Variants in TLCD1 observed in about 807,000 individuals in gnomAD.
TLCD1 encodes TLC domain-containing protein 1.
Under a neutral mutation model 21.2 loss-of-function variants are expected in TLCD1, and 21 were observed. The ratio of observed to expected loss-of-function variants is 0.99; its 90% CI spans 0.70 to 1.42. The LOEUF (loss-of-function observed/expected upper bound fraction) is 1.42. Among genes scored for constraint, TLCD1 ranks in the 40% most tolerant of loss-of-function variants. TLCD1 has a pLI of 0.00. For synonymous variants in TLCD1, 168 were observed against 134.8 expected (o/e 1.25, Z -1.71); for missense variants, 344 against 330.3 (o/e 1.04, Z -0.32).
At chr17:28,725,675 G>A (rs1355552525) in intron 1 of TLCD1, 112 bp from the exon 2 acceptor site, 2 of 1,283,722 alleles carry the variant, frequency 1.6e-6, no homozygotes, top group African/African-American at 1.5e-5. Context: ...GTGGCTGACT[G>A]GGAAGCTAAG....
chr17:28,725,005 G>T, intron 3 of TLCD1, 112 bp from the exon 4 acceptor site: 1 of 1,221,076 alleles, frequency 8.2e-7, no homozygotes, highest in South Asian at 1.5e-5. Context: ...TTTCCCCCTG[G>T]AATAATAGTT....
Position 28,726,094 on chromosome 17 carries a change from G to A in TLCD1, c.4C>T (p.Pro2Ser). 1 of 1,451,202 alleles carries A rather than the reference G, an allele frequency of 6.9e-7. No individual in the cohort carries two copies. The highest frequency in any genetic ancestry group is 9.0e-7 in the Non-Finnish European group (1 of 1,112,368). The allele number at this position is 1,451,202 out of a possible 1,614,324, so 89.9% of individuals were successfully genotyped here. A position where few individuals can be genotyped will look rare whatever the true frequency, so the allele number is the denominator to read the frequency against. ...GGCAGGGCGGGGTGCAGCAGTCGGG[G>A]CATGCTGGCCCTCCCTGCCGTCCGC... MPRLLHPALPLL... is the reference protein window; with the variant it reads MSRLLHPALPLL... Residue 2 changes from proline (P) to serine (S), a missense_variant, in exon 1 of 4, where the codon CCC becomes TCC. Physicochemically the swap from Pro to Ser is moderately conservative, Grantham distance 74. Transcript: ENST00000292090.
intron 1 of TLCD1, 25 bp from the exon 2 acceptor site, chr17:28,725,588 C>T (rs777533257): frequency 1.9e-5 from 30 of 1,611,722 alleles, no homozygotes; most frequent in Non-Finnish European, 2.5e-5. Context: ...AGAGGAGGCT[C>T]TGCATTTCGG....
chr17:28,725,886 C>T lies in TLCD1; in HGVS notation c.194+18G>A, dbSNP rs1239952844. On this transcript the variant is annotated intron_variant, in intron 1 of 3. Transcript: ENST00000292090. ...TCAGGATCCCCTGGCCACCTCATTT[C>T]CACAGTCGCTCACTCACCACAGCAG... The T allele has an allele frequency of 3.1e-6, 5 of 1,609,660 alleles. No homozygotes were observed. The highest frequency in any genetic ancestry group is 4.2e-6 in the Non-Finnish European group (5 of 1,178,566).
rs371038188 is a variant in TLCD1, at chr17:28,725,467, T to C, written c.277+14A>G. The C allele has an allele frequency of 1.2e-6, 2 of 1,614,174 alleles. No individual in the cohort carries two copies. The highest frequency in any genetic ancestry group is 1.3e-5 in the African/African-American group (1 of 75,026). On this transcript the variant is annotated intron_variant, in intron 2 of 3. Transcript: ENST00000292090. ...TGTCCCCAATTTGCCTCCCGCTTCC[T>C]GGGCAAGACCTACCCGCAGAGAAGC...
At chr17:28,725,027 AG>A in intron 3 of TLCD1, 134 bp from the exon 4 acceptor site, 1 of 1,042,246 alleles carries the variant, frequency 9.6e-7, no homozygotes. Context: ...ATAGTGGGTA[AG>A]ATGCTTTGTT....
chr17:28,725,840 G>A (rs532800295), intron 1 of TLCD1, 64 bp downstream of exon 1: 160 of 1,560,416 alleles, frequency 1.0e-4, no homozygotes, highest in Non-Finnish European at 1.3e-4. Flanking sequence ...AGTAACACAA[G>A]AGCCGGCCCC....
Position 28,726,133 on chromosome 17 carries a change from T to A in TLCD1, c.-36A>T. ...CCTGCCGTCCGCCCTCGAGGCCGCC[T>A]CCTAGGTCTGTTCTGGGAACCGGGA... is the stretch of plus-strand genomic sequence containing the variant. On this transcript the variant is annotated 5_prime_UTR_variant, in exon 1 of 4. Transcript: ENST00000292090. 3 of 1,417,878 alleles carry A rather than the reference T, an allele frequency of 2.1e-6. No homozygotes were observed. The highest frequency in any genetic ancestry group is 2.7e-6 in the Non-Finnish European group (3 of 1,098,222). The allele number at this position is 1,417,878 out of a possible 1,614,324, so 87.8% of individuals were successfully genotyped here.
upstream of TLCD1, chr17:28,726,277 C>A: frequency 8.4e-7 from 1 of 1,189,358 alleles, no homozygotes; most frequent in Non-Finnish European, 1.0e-6. Flanking sequence ...CCTCTGCCCC[C>A]GCCCCCAGCC....
intron 3 of TLCD1, 27 bp from the exon 4 acceptor site, chr17:28,724,920 G>C (rs1236297767): frequency 1.3e-6 from 2 of 1,595,824 alleles, no homozygotes; most frequent in East Asian, 2.2e-5. Context: ...ATAGGAGTTA[G>C]GGAACCCAGA....
rs1491058899 is a variant in TLCD1, at chr17:28,726,019, A to AGAGCGCGCGCCG, written c.67_78dup (p.Arg23_Leu26dup). 1.3e-5 allele frequency: 21 copies of AGAGCGCGCGCCG among 1,598,604 alleles called. No individual in the cohort carries two copies. Among genetic ancestry groups the AGAGCGCGCGCCG allele is most frequent in the Non-Finnish European group, 1.8e-5 (21 of 1,174,452 alleles). The stretch of plus-strand genomic sequence containing the variant: ...ACGTGCACGGGTAGGGGCAGGCGAC[A>AGAGCGCGCGCCG]GAGCGCGCGCCGGAGCGCCCGGAAG... On this transcript the variant is annotated inframe_insertion, in exon 1 of 4. Transcript: ENST00000292090.
rs573972832 is a variant in TLCD1 at position 28,724,969 on chromosome 17, C to A, written c.361-76G>T. 96 of 1,514,938 alleles carry A rather than the reference C, an allele frequency of 6.3e-5. No homozygotes were observed. In the South Asian group the frequency reaches 1.2e-3, roughly 19 times the overall value. 93.8% of individuals were successfully genotyped at this position (1,514,938 alleles called of 1,614,324 possible). On this transcript the variant is annotated intron_variant, in intron 3 of 3. Transcript: ENST00000292090. ...CTGGAAGTTTGGGGGGTGTGGCTATCAGATTGAGGGCTGGAAAATCCCAAA... is the reference window on the plus strand; with the variant it reads ...CTGGAAGTTTGGGGGGTGTGGCTATAAGATTGAGGGCTGGAAAATCCCAAA...
At position 28,724,864 on chromosome 17, in the gene TLCD1, AAAGATGCCGGAG is replaced by A; in HGVS notation, c.378_389del (p.Ser127_Phe130del). 1 of 1,613,680 alleles carries A rather than the reference AAAGATGCCGGAG, an allele frequency of 6.2e-7. No homozygotes were observed. The highest frequency in any genetic ancestry group is 8.5e-7 in the Non-Finnish European group (1 of 1,179,924). ...CACCCCCACCGACAAAGCTGCTCCA[AAAGATGCCGGAG>A]AAGAAGGCACCCATGGCCTAGAGGG... On this transcript the variant is annotated inframe_deletion, in exon 4 of 4. Coordinates refer to ENST00000292090, the MANE Select transcript of TLCD1 (RefSeq NM_138463.4).
At chr17:28,727,137 G>A (rs1221792706), upstream of TLCD1, 1 of 338,500 alleles carries the variant, frequency 3.0e-6, no homozygotes, top group Non-Finnish European at 5.6e-6. Context: ...GTTAAGCGGA[G>A]ATGAGAGCGG....
In TLCD1 at chr17:28,725,989, C is replaced by T. The variant is rs532464471; in HGVS notation, c.109G>A (p.Ala37Thr). The T allele has an allele frequency of 1.2e-6, 2 of 1,611,438 alleles. No homozygotes were observed. The highest frequency in any genetic ancestry group is 1.7e-6 in the Non-Finnish European group (2 of 1,179,362). Reference protein sequence around the residue: ...CRLPLPVHVRADPLRTWRWHN... With the variant: ...CRLPLPVHVRTDPLRTWRWHN... ...CAGCGCCAGGTGCGCAGGGGGTCGG[C>T]GCGCACGTGCACGGGTAGGGGCAGG... Residue 37 changes from alanine to threonine, a missense_variant, in exon 1 of 4, where the codon GCC becomes ACC. Physicochemically the swap from Ala to Thr is moderately conservative, Grantham distance 58 (BLOSUM62 0). Transcript: ENST00000292090.
intron 3 of TLCD1, 150 bp from the exon 4 acceptor site, chr17:28,725,043 T>C: frequency 2.1e-6 from 2 of 958,332 alleles, no homozygotes; most frequent in South Asian, 3.5e-5. Context: ...TTTGTTTTGT[T>C]AGTTCAACAT....
chr17:28,725,303 C>A lies in TLCD1; in HGVS notation c.360+1G>T. The A allele has an allele frequency of 1.9e-6, 3 of 1,614,126 alleles. No individual in the cohort carries two copies. Among genetic ancestry groups the A allele is most frequent in the Non-Finnish European group, 1.7e-6 (2 of 1,180,002 alleles). ...TACCACATAGTCTGCTTCTCTCTTACCATGACGTGATGGACAAGGTATTCC... is the reference window on the plus strand; with the variant it reads ...TACCACATAGTCTGCTTCTCTCTTAACATGACGTGATGGACAAGGTATTCC... On this transcript the variant is annotated splice_donor_variant, in intron 3 of 3. Coordinates refer to ENST00000292090, the MANE Select transcript of TLCD1 (RefSeq NM_138463.4). LOFTEE classifies it high-confidence loss of function.
At chr17:28,725,826 G>A in intron 1 of TLCD1, 78 bp downstream of exon 1, 1 of 1,525,968 alleles carries the variant, frequency 6.6e-7, no homozygotes, top group Non-Finnish European at 8.8e-7. Flanking sequence ...TGAGCGATGG[G>A]GGTAGTAACA....
intron 1 of TLCD1, 70 bp from the exon 2 acceptor site, chr17:28,725,633 T>A (rs2034212410): frequency 6.6e-7 from 1 of 1,524,982 alleles, no homozygotes; most frequent in South Asian, 1.1e-5. Flanking sequence ...CGGTTACCCT[T>A]CGCAGCCCCG....
Sources: gnomAD v4.1 joint callset for allele counts on GRCh38, gnomAD v4.1.1 for gene constraint, MANE v1.5 for transcripts, NCBI Gene and HGNC (gene_info 2026-07-23, HGNC 2026-07-21) for gene names.